Variants in FKBP5 observed in about 807,000 individuals in gnomAD.
FKBP5 encodes the protein FKBP prolyl isomerase 5.
A neutral mutation model predicts 50.5 loss-of-function variants in FKBP5; 23 were observed. The observed-to-expected ratio is 0.46, with a 90% CI of 0.33 to 0.65. FKBP5 has a LOEUF of 0.65. FKBP5 is among the 30% of genes least tolerant of loss of function. FKBP5 has a pLI of 0.02. For missense variants in FKBP5, 411 were observed against 553.1 expected (o/e 0.74, Z 2.58); for synonymous variants, 176 against 190.6 (o/e 0.92, Z 0.63).
intron 3 of FKBP5, among the ~76,000 whole-genome samples, chr6:35,628,227 T>G (rs964638695): frequency 2.6e-5 from 4 of 152,186 alleles, no homozygotes; most frequent in African/African-American, 4.8e-5. Context: ...CAACACCATT[T>G]GTTGAAAAGA....
Position 35,613,632 on chromosome 6 carries a change from G to C in FKBP5, c.508+5464C>G, listed in dbSNP as rs140595559. ...AAAAGAACAAGGTGATCTTGGTTTTGAACAGGACCACCTTTAGGGTAATCT... is the reference window on the plus strand; with the variant it reads ...AAAAGAACAAGGTGATCTTGGTTTTCAACAGGACCACCTTTAGGGTAATCT... On this transcript the variant is annotated intron_variant, in intron 5 of 10. Coordinates refer to ENST00000357266, the MANE Select transcript of FKBP5 (RefSeq NM_004117.4). Among the ~76,000 whole-genome samples, 10 of 152,296 alleles carry C rather than the reference G, an allele frequency of 6.6e-5. No homozygotes were observed. In the East Asian group the frequency reaches 1.9e-3, roughly 29 times the overall value.
At chr6:35,637,753 C>T (rs1262723052) in intron 2 of FKBP5, among the ~76,000 whole-genome samples, 1 of 152,024 alleles carries the variant, frequency 6.6e-6, no homozygotes, top group South Asian at 2.1e-4. Flanking sequence ...TGAGCCACCG[C>T]GCCCGACACT....
chr6:35,632,721 C>T (rs1380960129), intron 3 of FKBP5, among the ~76,000 whole-genome samples: 1 of 151,836 alleles, frequency 6.6e-6, no homozygotes, highest in African/African-American at 2.4e-5. Flanking sequence ...GAAAGTCCGT[C>T]TCTACTAAAA....
intron 8 of FKBP5, chr6:35,580,917 CT>C (rs1762409550): frequency 1.0e-6 from 1 of 985,206 alleles, no homozygotes; most frequent in African/African-American, 1.7e-5. Context: ...AGTTACTTTT[CT>C]TTTCAGCACT....
chr6:35,581,671 A>G, intron 8 of FKBP5: 1 of 985,460 alleles, frequency 1.0e-6, no homozygotes, highest in Non-Finnish European at 1.2e-6. Context: ...AGGTAAATGA[A>G]AGCACTGGGG....
chr6:35,641,839 T>C (rs60103601), intron 2 of FKBP5, among the ~76,000 whole-genome samples: 3,561 of 151,852 alleles, frequency 0.023, 91 homozygotes, highest in African/African-American at 0.056. Flanking sequence ...ACCCTGTCTC[T>C]ACAAAAATTA....
chr6:35,616,319 A>T (rs1763657279), intron 5 of FKBP5, among the ~76,000 whole-genome samples: 1 of 149,890 alleles, frequency 6.7e-6, no homozygotes, highest in Admixed American at 6.6e-5. Flanking sequence ...CATCTCAAAA[A>T]AAAAAAAAAA....
intron 1 of FKBP5, among the ~76,000 whole-genome samples, chr6:35,653,356 T>TA (rs1764864944): frequency 6.6e-6 from 1 of 152,014 alleles, no homozygotes; most frequent in African/African-American, 2.4e-5. Context: ...TGTCTCTTAA[T>TA]AAAAAAAGAT....
chr6:35,693,076 T>A (rs1389567866), upstream of FKBP5, among the ~76,000 whole-genome samples: 32 of 80,744 alleles, frequency 4.0e-4, no homozygotes, highest in East Asian at 8.8e-4. Flanking sequence ...TCTTTTCAGC[T>A]AAAAAAAAAA....
At chr6:35,610,567 C>CTAA (rs1763461192) in intron 5 of FKBP5, among the ~76,000 whole-genome samples, 1 of 58,628 alleles carries the variant, frequency 1.7e-5, no homozygotes, top group African/African-American at 7.4e-5. Flanking sequence ...GACTCCGTCT[C>CTAA]AAAAAAAAAA....
intron 3 of FKBP5, among the ~76,000 whole-genome samples, chr6:35,634,115 A>G (rs1018981961): frequency 1.8e-4 from 27 of 152,192 alleles, no homozygotes; most frequent in African/African-American, 6.5e-4. Context: ...ATTCTCAACA[A>G]TTCTTAATTC....
At chr6:35,719,862 G>A (rs1435906165) in intron 2 of FKBP5, among the ~76,000 whole-genome samples, 2 of 152,246 alleles carry the variant, frequency 1.3e-5, no homozygotes, top group Admixed American at 1.3e-4. Context: ...CTTTCTGGGA[G>A]GGGGGTTTCC....
At chr6:35,676,532 C>T (rs954671111) in intron 1 of FKBP5, among the ~76,000 whole-genome samples, 1 of 152,216 alleles carries the variant, frequency 6.6e-6, no homozygotes, top group Non-Finnish European at 1.5e-5. Flanking sequence ...GAATCTCATT[C>T]CAGTGTCTAG....
intron 5 of FKBP5, 79 bp from the exon 6 acceptor site, chr6:35,597,483 C>A: frequency 1.4e-6 from 2 of 1,473,356 alleles, no homozygotes; most frequent in South Asian, 2.7e-5. Context: ...AATGAGTGGT[C>A]GACAATGTAG....
At chr6:35,585,893 TTACATAA>T (rs1762583874) in intron 8 of FKBP5, 1 of 985,148 alleles carries the variant, frequency 1.0e-6, no homozygotes, top group Non-Finnish European at 1.2e-6. Context: ...TTATATATTC[TTACATAA>T]TTCTCTAGTT....
At chr6:35,663,121 C>T (rs1765116772) in intron 1 of FKBP5, among the ~76,000 whole-genome samples, 1 of 152,058 alleles carries the variant, frequency 6.6e-6, no homozygotes, top group African/African-American at 2.4e-5. Flanking sequence ...AAAGTGGCTC[C>T]GGGTGGAAAT....
intron 1 of FKBP5, among the ~76,000 whole-genome samples, chr6:35,725,726 A>G (rs1370606070): frequency 6.6e-6 from 1 of 152,216 alleles, no homozygotes; most frequent in Non-Finnish European, 1.5e-5. Flanking sequence ...AGAAGGAAGT[A>G]TAAATATAAA....
intron 8 of FKBP5, 166 bp downstream of exon 8, chr6:35,586,867 AT>A: frequency 6.9e-7 from 1 of 1,454,008 alleles, no homozygotes; most frequent in African/African-American, 1.4e-5. Context: ...TTTCCACATG[AT>A]TGTTTTCTCA....
chr6:35,684,295 C>T (rs1765762127), intron 1 of FKBP5, among the ~76,000 whole-genome samples: 1 of 151,850 alleles, frequency 6.6e-6, no homozygotes, highest in Admixed American at 6.6e-5. Context: ...CCTCCCACCT[C>T]AGCCTCCCAA....
Sources: gnomAD v4.1 joint callset for allele counts (sites outside exome capture counted in the v4.1 genomes callset) on GRCh38, gnomAD v4.1.1 for gene constraint, MANE v1.5 for transcripts, NCBI Gene and HGNC (gene_info 2026-07-23, HGNC 2026-07-21) for gene names.